Variants in ALCAM observed in about 807,000 individuals in gnomAD.
The protein encoded by ALCAM is CD166 antigen.
In ALCAM, 30 loss-of-function variants were observed where a neutral mutation model predicts 70.9. That is an observed-to-expected ratio of 0.42 (90% CI 0.32 to 0.57). The LOEUF (loss-of-function observed/expected upper bound fraction) is 0.57, where lower values mean the gene tolerates loss of function less well. Ranked by LOEUF, ALCAM falls within the 20% of genes least tolerant of loss-of-function variation. The pLI, the probability that ALCAM is intolerant of heterozygous loss-of-function variation, is 0.11. For synonymous variants in ALCAM, 249 were observed against 242.5 expected, an observed-to-expected ratio of 1.03 and a Z score of -0.25; for missense variants, 591 against 695.1, an observed-to-expected ratio of 0.85 and a Z score of 1.68.
intron 1 of ALCAM, among the ~76,000 whole-genome samples, chr3:105,419,560 A>G (rs774718496): frequency 6.6e-6 from 1 of 151,786 alleles, no homozygotes; most frequent in Non-Finnish European, 1.5e-5. Flanking sequence ...CGATGTTTCA[A>G]CAGTCATTTT....
At chr3:105,553,457 T>C (rs1422689516) in intron 14 of ALCAM, among the ~76,000 whole-genome samples, 4 of 151,874 alleles carry the variant, frequency 2.6e-5, no homozygotes, top group African/African-American at 9.7e-5. Context: ...AGTTTTGCAA[T>C]GGGATGTCTA....
At chr3:105,552,401 C>T in intron 13 of ALCAM, 67 bp from the exon 14 acceptor site, 2 of 1,484,482 alleles carry the variant, frequency 1.3e-6, no homozygotes, top group Non-Finnish European at 9.4e-7. Context: ...AAAGTAATAG[C>T]TAGATTGACT....
chr3:105,496,323 C>G (rs983098423), intron 1 of ALCAM, among the ~76,000 whole-genome samples: 24 of 124,256 alleles, frequency 1.9e-4, no homozygotes, highest in Non-Finnish European at 3.8e-4. Context: ...GGTCTTAAAG[C>G]CATTCAGAAA....
In ALCAM at chr3:105,422,324, T is replaced by C. The variant is rs114325379; in HGVS notation, c.73+54843T>C. Among the ~76,000 whole-genome samples, 732 of 151,572 alleles carry C rather than the reference T, an allele frequency of 4.8e-3. 10 individuals carry two copies. Among genetic ancestry groups the C allele is most frequent in the African/African-American group, 0.016 (681 of 41,484 alleles). ...CATACCTGTGCACATGTCTTTTTCA[T>C]ATAATGACTGGATAAAAGTACTTTA... On this transcript the variant is annotated intron_variant, in intron 1 of 15. Coordinates refer to ENST00000306107, the MANE Select transcript of ALCAM (RefSeq NM_001627.4).
intron 1 of ALCAM, among the ~76,000 whole-genome samples, chr3:105,368,278 C>T (rs201038773): frequency 3.6e-5 from 2 of 55,730 alleles, no homozygotes; most frequent in Admixed American, 2.4e-4. Flanking sequence ...GGCAAAATTC[C>T]CAACAACTAA....
At chr3:105,519,934 T>C (rs1939486042) in intron 1 of ALCAM, 133 bp from the exon 2 acceptor site, 1 of 541,066 alleles carries the variant, frequency 1.8e-6, no homozygotes, top group African/African-American at 1.9e-5. Context: ...TTGTATACCA[T>C]TTAAAATAAA....
At position 105,524,429 on chromosome 3, in the gene ALCAM, C is replaced by T; in HGVS notation, c.315C>T (p.Ile105=). The T allele has an allele frequency of 6.2e-7, 1 of 1,614,082 alleles. No individual in the cohort carries two copies. The highest frequency in any genetic ancestry group is 2.2e-5 in the East Asian group (1 of 44,866). ...NYTLSISNAR[I]SDEKRFVCML... ...CTTTGTCTATCAGTAATGCAAGGAT[C>T]AGTGATGAAAAGAGATTTGTGTGCA... Residue 105 remains isoleucine (I), a synonymous_variant, in exon 3 of 16, where the codon ATC becomes ATT. Coordinates refer to ENST00000306107, the MANE Select transcript of ALCAM (RefSeq NM_001627.4).
chr3:105,424,015 G>A (rs1936732359), intron 1 of ALCAM, among the ~76,000 whole-genome samples: 1 of 151,498 alleles, frequency 6.6e-6, no homozygotes, highest in East Asian at 1.9e-4. Flanking sequence ...TTTGGTACAT[G>A]TGCCATGTAC....
At chr3:105,450,823 G>A (rs575766601) in intron 1 of ALCAM, among the ~76,000 whole-genome samples, 1 of 152,238 alleles carries the variant, frequency 6.6e-6, no homozygotes, top group Non-Finnish European at 1.5e-5. Context: ...GACAAAAGTA[G>A]TATGTAAATT....
At chr3:105,388,094 T>G (rs1339404273) in intron 1 of ALCAM, among the ~76,000 whole-genome samples, 1 of 150,628 alleles carries the variant, frequency 6.6e-6, no homozygotes, top group East Asian at 2.0e-4. Flanking sequence ...AGTAACAGAG[T>G]GTGGAAAATA....
chr3:105,499,420 G>A (rs1251835506), intron 1 of ALCAM, among the ~76,000 whole-genome samples: 1 of 152,064 alleles, frequency 6.6e-6, no homozygotes, highest in Non-Finnish European at 1.5e-5. Flanking sequence ...TTGGAAAATA[G>A]GCCTAGTAAT....
chr3:105,539,249 G>A (rs1940055540), intron 6 of ALCAM, among the ~76,000 whole-genome samples: 1 of 152,064 alleles, frequency 6.6e-6, no homozygotes, highest in African/African-American at 2.4e-5. Flanking sequence ...TTTCCTGTTT[G>A]CTAGATATGG....
chr3:105,540,321 C>G (rs933361586), intron 7 of ALCAM, among the ~76,000 whole-genome samples: 12 of 151,650 alleles, frequency 7.9e-5, no homozygotes, highest in Non-Finnish European at 1.5e-4. Context: ...AAGCCAACCA[C>G]AGGAAACCAT....
chr3:105,564,733 C>A (rs377025218), intron 14 of ALCAM, among the ~76,000 whole-genome samples: 4 of 152,254 alleles, frequency 2.6e-5, no homozygotes, highest in African/African-American at 9.6e-5. Flanking sequence ...TGTGGTAATG[C>A]AAACCTGTAG....
chr3:105,546,992 A>T (rs1940265411), intron 9 of ALCAM, among the ~76,000 whole-genome samples, 157 bp from the exon 10 acceptor site: 2 of 151,520 alleles, frequency 1.3e-5, no homozygotes, highest in Admixed American at 1.3e-4. Flanking sequence ...CAACAAAAGA[A>T]AAAGGAAATC....
intron 1 of ALCAM, among the ~76,000 whole-genome samples, chr3:105,369,673 T>C (rs183913810): frequency 6.6e-6 from 1 of 152,304 alleles, no homozygotes; most frequent in East Asian, 1.9e-4. Context: ...GCGGGGTAAC[T>C]GCCTTCCCTG....
At chr3:105,382,972 T>A (rs931974111) in intron 1 of ALCAM, among the ~76,000 whole-genome samples, 2 of 151,734 alleles carry the variant, frequency 1.3e-5, no homozygotes, top group African/African-American at 4.8e-5. Context: ...CTCAGAACAA[T>A]TTTTCTTGGA....
At chr3:105,424,445 A>C (rs1159485252) in intron 1 of ALCAM, among the ~76,000 whole-genome samples, 6 of 151,720 alleles carry the variant, frequency 4.0e-5, no homozygotes, top group Non-Finnish European at 7.4e-5. Context: ...AGGCAAAATA[A>C]ATATTGTGAG....
intron 1 of ALCAM, among the ~76,000 whole-genome samples, chr3:105,473,239 T>C (rs1471501464): frequency 1.3e-5 from 2 of 151,614 alleles, no homozygotes; most frequent in African/African-American, 4.8e-5. Context: ...AATAAGAGTT[T>C]TAATTTGCAG....
Sources: gnomAD v4.1 joint callset for allele counts (sites outside exome capture counted in the v4.1 genomes callset) on GRCh38, gnomAD v4.1.1 for gene constraint, MANE v1.5 for transcripts, NCBI Gene and HGNC (gene_info 2026-07-23, HGNC 2026-07-21) for gene names.